Variants in ZKSCAN3 observed in about 807,000 individuals in gnomAD.
ZKSCAN3 encodes zinc finger protein with KRAB and SCAN domains 3.
ZKSCAN3 carries 21 observed loss-of-function variants against 30.7 expected under a neutral mutation model. That is an observed-to-expected ratio of 0.68 (90% CI 0.49 to 0.99). ZKSCAN3 has a LOEUF of 0.99. Ranked by LOEUF, ZKSCAN3 falls within the 50% of genes least tolerant of loss-of-function variation. The pLI, the probability that ZKSCAN3 is intolerant of heterozygous loss-of-function variation, is 0.00. For synonymous variants in ZKSCAN3, 201 were observed against 246.7 expected, an observed-to-expected ratio of 0.81 and a Z score of 1.73; for missense variants, 507 against 647.1, an observed-to-expected ratio of 0.78 and a Z score of 2.35.
chr6:28,369,052 G>T lies in ZKSCAN3; in HGVS notation c.*2767G>T, dbSNP rs1263834350. 1 of 152,152 alleles carries T rather than the reference G, an allele frequency of 6.6e-6. No individual in the cohort carries two copies. The highest frequency in any genetic ancestry group is 1.5e-5 in the Non-Finnish European group (1 of 68,030). 9.4% of individuals were successfully genotyped at this position (152,152 alleles called of 1,614,324 possible). ...CCTTTATAGAACTATCCAAGTCCCT[G>T]TTTTTATGCTAGTTTCCAAGGCTTG... On this transcript the variant is annotated 3_prime_UTR_variant, in exon 6 of 6. Coordinates refer to ENST00000252211, the MANE Select transcript of ZKSCAN3 (RefSeq NM_024493.4). The surrounding 1 kb of genome is among the most constrained non-coding windows in gnomAD (Gnocchi z 4.1).
At position 28,365,423 on chromosome 6, in the gene ZKSCAN3, C is replaced by G; in HGVS notation, c.758-3C>G. The G allele has an allele frequency of 6.3e-7, 1 of 1,599,738 alleles. No individual in the cohort carries two copies. The highest frequency in any genetic ancestry group is 8.5e-7 in the Non-Finnish European group (1 of 1,173,768). On this transcript the variant is annotated splice_polypyrimidine_tract_variant and splice_region_variant and intron_variant, in intron 5 of 5. Coordinates refer to ENST00000252211, the MANE Select transcript of ZKSCAN3 (RefSeq NM_024493.4). ...CACAGTTGCCAGTTATTTGTTGTTT[C>G]AGGTGATGAAAAACAGACTAAGAGC...
intron 4 of ZKSCAN3, 48 bp from the exon 5 acceptor site, chr6:28,363,644 C>T (rs760528377): frequency 6.2e-7 from 1 of 1,610,240 alleles, no homozygotes; most frequent in South Asian, 1.1e-5. Context: ...TTCCCCACTC[C>T]ACCATTTTGG....
At chr6:28,354,242 C>T (rs1765271490) in intron 1 of ZKSCAN3, 1 of 290,854 alleles carries the variant, frequency 3.4e-6, no homozygotes, top group Non-Finnish European at 7.0e-6. Flanking sequence ...ATACCATTTA[C>T]AGACAATAGT....
chr6:28,365,623 T>C lies in ZKSCAN3; in HGVS notation c.955T>C (p.Cys319Arg), dbSNP rs944168979. 2.5e-6 allele frequency: 4 copies of C among 1,614,242 alleles called. No homozygotes were observed. The highest frequency in any genetic ancestry group is 1.7e-6 in the Non-Finnish European group (2 of 1,180,042). The stretch of plus-strand genomic sequence containing the variant: ...AGGGAGGCGGCACATCTGCCATGAA[T>C]GTGGAAAGAGTTTTGCTCAAAGCTC... ...TGGRRHICHE[C>R]GKSFAQSSGL... Residue 319 changes from cysteine (C) to arginine (R), a missense_variant, in exon 6 of 6, where the codon TGT becomes CGT. By Grantham distance (180) the Cys-to-Arg change is radical (BLOSUM62 -3). Coordinates refer to ENST00000252211, the MANE Select transcript of ZKSCAN3 (RefSeq NM_024493.4).
rs1262557835 is a variant in ZKSCAN3, at chr6:28,351,630, C to T, written c.-63+1563C>T. Among the ~76,000 whole-genome samples, 1 of 150,548 alleles carries T rather than the reference C, an allele frequency of 6.6e-6. No homozygotes were observed. Among genetic ancestry groups the T allele is most frequent in the African/African-American group, 2.4e-5 (1 of 40,834 alleles). ...TTCCACTCTCTTTCCTTCCCTTCTC[C>T]TCCTCCTTCCCTTTTGTCTCCCTCC... On this transcript the variant is annotated intron_variant, in intron 1 of 5. Coordinates refer to ENST00000252211, the MANE Select transcript of ZKSCAN3 (RefSeq NM_024493.4). The surrounding 1 kb of genome is among the most constrained non-coding windows in gnomAD (Gnocchi z 4.6).
intron 1 of ZKSCAN3, chr6:28,355,771 A>G (rs762422075): frequency 2.0e-5 from 3 of 152,258 alleles, no homozygotes; most frequent in African/African-American, 4.8e-5. Context: ...GTGAAAGTCC[A>G]TTGTCACCCT....
chr6:28,366,148 G>GA lies in ZKSCAN3; in HGVS notation c.1480_1481insA (p.Gly494GlufsTer4), dbSNP rs1765956410. ...TGAAAGAAGTTTCACTCAGAATACA[G>GA]GCCTCATTGAACATCAAAAAATCCA... On this transcript the variant is annotated frameshift_variant, in exon 6 of 6. Transcript: ENST00000252211. LOFTEE classifies it high-confidence loss of function. The GA allele has an allele frequency of 6.2e-7, 1 of 1,611,942 alleles. No homozygotes were observed. The highest frequency in any genetic ancestry group is 1.1e-5 in the South Asian group (1 of 90,848).
intron 1 of ZKSCAN3, chr6:28,354,315 C>T (rs1371815765): frequency 9.2e-6 from 2 of 216,984 alleles, no homozygotes; most frequent in South Asian, 7.3e-5. Context: ...GGTGCGCCTG[C>T]GTTCCAAACT....
chr6:28,350,205 T>C (rs1764896081), intron 1 of ZKSCAN3, 138 bp downstream of exon 1: 1 of 152,280 alleles, frequency 6.6e-6, no homozygotes, highest in African/African-American at 2.4e-5. Flanking sequence ...GGAAGGGCGC[T>C]CTGCGGCGGA....
At position 28,351,810 on chromosome 6, in the gene ZKSCAN3, T is replaced by G. The variant is rs1024169199; in HGVS notation, c.-63+1743T>G. ...CTTTCATTTTATAGCAAATTGCAGA[T>G]GGAAACATTTTAGTTCACTCACAAG... On this transcript the variant is annotated intron_variant, in intron 1 of 5. Coordinates refer to ENST00000252211, the MANE Select transcript of ZKSCAN3 (RefSeq NM_024493.4). The surrounding 1 kb of genome is among the most constrained non-coding windows in gnomAD (Gnocchi z 4.6). 1.3e-5 allele frequency among the ~76,000 whole-genome samples: 2 copies of G among 152,110 alleles called. No individual in the cohort carries two copies. Among genetic ancestry groups the G allele is most frequent in the Non-Finnish European group, 2.9e-5 (2 of 68,044 alleles).
rs1417212715 is a variant in ZKSCAN3, at chr6:28,366,336, C to T, written c.*51C>T. 5.4e-6 allele frequency: 8 copies of T among 1,486,790 alleles called. No homozygotes were observed. Among genetic ancestry groups the T allele is most frequent in the South Asian group, 1.5e-5 (1 of 66,390 alleles). 92.1% of individuals were successfully genotyped at this position (1,486,790 alleles called of 1,614,324 possible). On this transcript the variant is annotated 3_prime_UTR_variant, in exon 6 of 6. Transcript: ENST00000252211. ...TGCTCATTTGTCACTGATCTGAAGC[C>T]ACTCCCCCTGGAGTCTCAACTATAG... is the stretch of plus-strand genomic sequence containing the variant.
In ZKSCAN3 at chr6:28,357,840, G is replaced by A. The variant is rs542073584; in HGVS notation, c.-62-1685G>A. Among the ~76,000 whole-genome samples, 4 of 152,296 alleles carry A rather than the reference G, an allele frequency of 2.6e-5. No homozygotes were observed. The East Asian group carries it at 5.8e-4, about 22-fold the overall frequency. ...TCTGAGAGAAACTGAAGGGCCTTCA[G>A]CCCAAAGATCCGAAGAGCCTGCAGA... On this transcript the variant is annotated intron_variant, in intron 1 of 5. Transcript: ENST00000252211.
At chr6:28,364,494 T>G (rs953052198) in intron 5 of ZKSCAN3, among the ~76,000 whole-genome samples, 1 of 152,196 alleles carries the variant, frequency 6.6e-6, no homozygotes, top group Non-Finnish European at 1.5e-5. Flanking sequence ...GTGAGAGAAG[T>G]GTCCTTAGAC....
chr6:28,353,755 G>C, intron 1 of ZKSCAN3: 1 of 449,958 alleles, frequency 2.2e-6, no homozygotes, highest in South Asian at 1.6e-5. Flanking sequence ...GGAAGACTGT[G>C]GATAGAGAAA....
chr6:28,369,168 CTTTG>C (rs1002272697), exon 6 of ZKSCAN3: 2 of 151,960 alleles, frequency 1.3e-5, no homozygotes, highest in African/African-American at 2.4e-5. This position sits in a 1 kb window ranked among gnomAD's most constrained non-coding sequence, Gnocchi z 4.1. Flanking sequence ...CATATGGTTA[CTTTG>C]TTTGAGTGGA....
Position 28,365,416 on chromosome 6 carries a change from G to T in ZKSCAN3, c.758-10G>T. On this transcript the variant is annotated splice_polypyrimidine_tract_variant and intron_variant, in intron 5 of 5. Transcript: ENST00000252211. ...CATAAGCCACAGTTGCCAGTTATTT[G>T]TTGTTTCAGGTGATGAAAAACAGAC... 2 of 1,594,904 alleles carry T rather than the reference G, an allele frequency of 1.3e-6. No individual in the cohort carries two copies. Among genetic ancestry groups the T allele is most frequent in the Non-Finnish European group, 1.7e-6 (2 of 1,171,784 alleles).
chr6:28,360,031 C>A, intron 2 of ZKSCAN3, 43 bp downstream of exon 2: 1 of 1,614,138 alleles, frequency 6.2e-7, no homozygotes, highest in South Asian at 1.1e-5. Flanking sequence ...TGGCCTGTTT[C>A]CTCCTGAAAT....
intron 1 of ZKSCAN3, chr6:28,353,871 G>T: frequency 2.2e-6 from 1 of 456,812 alleles, no homozygotes; most frequent in Non-Finnish European, 4.4e-6. Context: ...CCACTGTCAT[G>T]CCAAGTGTCA....
chr6:28,357,248 C>A (rs1190992688), intron 1 of ZKSCAN3, among the ~76,000 whole-genome samples: 1 of 152,234 alleles, frequency 6.6e-6, no homozygotes, highest in Non-Finnish European at 1.5e-5. Flanking sequence ...ATGTTCCTTA[C>A]AACCACACAC....
Sources: allele counts gnomAD v4.1 joint callset (sites outside exome capture counted in the v4.1 genomes callset), GRCh38; gene constraint gnomAD v4.1.1; non-coding constraint Gnocchi (gnomAD v3.1); transcripts MANE v1.5; gene names NCBI Gene and HGNC (gene_info 2026-07-23, HGNC 2026-07-21).